Variants in EEFSEC observed in about 807,000 individuals in gnomAD.
EEFSEC encodes selenocysteine-specific elongation factor.
A neutral mutation model predicts 42.1 loss-of-function variants in EEFSEC; 43 were observed. The ratio of observed to expected loss-of-function variants is 1.02; its 90% CI spans 0.80 to 1.32. The LOEUF (loss-of-function observed/expected upper bound fraction) is 1.32, where lower values mean the gene tolerates loss of function less well. Among genes scored for constraint, EEFSEC ranks in the 40% most tolerant of loss-of-function variants. The probability of loss-of-function intolerance (pLI) is 0.00; values close to 1 mark genes in which losing one functional copy is unlikely to be tolerated. For missense variants in EEFSEC, 745 were observed against 803.6 expected, an observed-to-expected ratio of 0.93 and a Z score of 0.88; for synonymous variants, 354 against 339.1, an observed-to-expected ratio of 1.04 and a Z score of -0.48.
At chr3:128,200,580 G>A (rs535796140) in intron 1 of EEFSEC, among the ~76,000 whole-genome samples, 11 of 152,292 alleles carry the variant, frequency 7.2e-5, no homozygotes, top group South Asian at 2.1e-4. Flanking sequence ...GAGCCACCGC[G>A]CCCAGCCTTC....
chr3:128,375,590 T>C (rs1324946333), intron 6 of EEFSEC, among the ~76,000 whole-genome samples: 1 of 152,212 alleles, frequency 6.6e-6, no homozygotes, highest in African/African-American at 2.4e-5. Flanking sequence ...TCCTTCATTC[T>C]GCCACTTGCG....
In EEFSEC at chr3:128,405,486, C is replaced by T. The variant is rs1428020628; in HGVS notation, c.1601-2583C>T. Among the ~76,000 whole-genome samples the T allele has an allele frequency of 4.6e-5, 7 of 152,228 alleles. No homozygotes were observed. The South Asian group carries it at 6.2e-4, about 14-fold the overall frequency. ...TCAAATCCTGGCTCTTCTGAACTCA[C>T]TGTGGGGCTTCCAGTAAGTCACTGG... On this transcript the variant is annotated intron_variant, in intron 6 of 6. Coordinates refer to ENST00000254730, the MANE Select transcript of EEFSEC (RefSeq NM_021937.5).
At chr3:128,225,694 C>T (rs2107855591) in intron 1 of EEFSEC, among the ~76,000 whole-genome samples, 1 of 152,328 alleles carries the variant, frequency 6.6e-6, no homozygotes, top group South Asian at 2.1e-4. Context: ...CTGCACTGTC[C>T]CCTGGCCCCA....
At chr3:128,313,024 C>T (rs1057408733) in intron 4 of EEFSEC, among the ~76,000 whole-genome samples, 2 of 152,154 alleles carry the variant, frequency 1.3e-5, no homozygotes, top group African/African-American at 4.8e-5. Flanking sequence ...GTCAAGTAGC[C>T]TCCGTAGGTC....
intron 1 of EEFSEC, among the ~76,000 whole-genome samples, chr3:128,216,427 T>C (rs1005060747): frequency 3.9e-5 from 6 of 152,192 alleles, no homozygotes; most frequent in Non-Finnish European, 8.8e-5. Context: ...AAGGATTTGT[T>C]GGGAGCAGCA....
chr3:128,238,321 T>G (rs570615049), intron 1 of EEFSEC, among the ~76,000 whole-genome samples: 4 of 152,218 alleles, frequency 2.6e-5, no homozygotes, highest in African/African-American at 7.2e-5. Flanking sequence ...CATGTGCTAA[T>G]TCATGGAGAT....
intron 4 of EEFSEC, among the ~76,000 whole-genome samples, chr3:128,283,878 T>C (rs958635861): frequency 6.6e-6 from 1 of 152,160 alleles, no homozygotes; most frequent in Non-Finnish European, 1.5e-5. Context: ...CCCGCCCAAA[T>C]GGGAGAGGGA....
At chr3:128,319,203 C>T (rs772466611) in intron 4 of EEFSEC, among the ~76,000 whole-genome samples, 2 of 152,214 alleles carry the variant, frequency 1.3e-5, no homozygotes, top group Non-Finnish European at 2.9e-5. Context: ...TTTTCTGTGG[C>T]TCCTGACCCT....
intron 4 of EEFSEC, among the ~76,000 whole-genome samples, chr3:128,307,527 G>A (rs1385843217): frequency 4.6e-5 from 7 of 152,164 alleles, no homozygotes; most frequent in Admixed American, 2.0e-4. Flanking sequence ...AATATCTAGA[G>A]GCATACCCTA....
chr3:128,283,323 A>G (rs2066549314), intron 4 of EEFSEC, among the ~76,000 whole-genome samples: 1 of 152,222 alleles, frequency 6.6e-6, no homozygotes, highest in African/African-American at 2.4e-5. Context: ...TTTGATTATT[A>G]TTAGTGATAG....
chr3:128,421,723 A>T, the EEFSEC span, among the ~76,000 whole-genome samples: 71 of 152,268 alleles, frequency 4.7e-4, 1 homozygote, highest in Non-Finnish European at 4.4e-5. Flanking sequence ...GCCTGGGCCT[A>T]TCTCACCATC....
chr3:128,247,933 C>T lies in EEFSEC; in HGVS notation c.524+890C>T, dbSNP rs558206167. The stretch of plus-strand genomic sequence containing the variant: ...GATATCTAGCGGGAGAATCCACAGC[C>T]CTGGTGAAGCAATTCGCCTGGATCA... On this transcript the variant is annotated intron_variant, in intron 2 of 6. Coordinates refer to ENST00000254730, the MANE Select transcript of EEFSEC (RefSeq NM_021937.5). Among the ~76,000 whole-genome samples, 9 of 152,184 alleles carry T rather than the reference C, an allele frequency of 5.9e-5. 1 individual carries two copies. In the South Asian group the frequency reaches 6.2e-4, roughly 11 times the overall value.
chr3:128,154,022 C>T, intron 1 of EEFSEC, 199 bp downstream of exon 1: 2 of 673,198 alleles, frequency 3.0e-6, no homozygotes, highest in South Asian at 2.6e-5. Flanking sequence ...TTCAGCTTTT[C>T]CCATCCAGCA....
At chr3:128,315,286 G>C (rs535363314) in intron 4 of EEFSEC, among the ~76,000 whole-genome samples, 1 of 152,270 alleles carries the variant, frequency 6.6e-6, no homozygotes, top group African/African-American at 2.4e-5. Context: ...TGTGATATGT[G>C]CTCCATGCAT....
intron 1 of EEFSEC, among the ~76,000 whole-genome samples, chr3:128,198,200 A>T (rs939164750): frequency 1.3e-5 from 2 of 152,196 alleles, no homozygotes; most frequent in Non-Finnish European, 2.9e-5. Context: ...TCCAGCAATC[A>T]TTTGAACTTT....
chr3:128,214,784 G>A (rs989637201), intron 1 of EEFSEC, among the ~76,000 whole-genome samples: 2 of 152,288 alleles, frequency 1.3e-5, no homozygotes, highest in South Asian at 4.1e-4. Flanking sequence ...GAGGGAAACT[G>A]GAAATTATCT....
intron 4 of EEFSEC, among the ~76,000 whole-genome samples, chr3:128,327,632 A>C (rs2067079326): frequency 6.6e-6 from 1 of 152,182 alleles, no homozygotes; most frequent in Non-Finnish European, 1.5e-5. Flanking sequence ...ATGTGCAGGA[A>C]GGCATTCCAC....
intron 1 of EEFSEC, among the ~76,000 whole-genome samples, chr3:128,169,450 A>G (rs1022925258): frequency 3.3e-5 from 5 of 152,206 alleles, no homozygotes; most frequent in Non-Finnish European, 7.3e-5. Flanking sequence ...GGCACATCCT[A>G]TCATTCTGAA....
chr3:128,401,863 G>A (rs2068051667), intron 6 of EEFSEC, among the ~76,000 whole-genome samples: 1 of 152,184 alleles, frequency 6.6e-6, no homozygotes, highest in Non-Finnish European at 1.5e-5. Context: ...ACTTCCAGCA[G>A]CCATGGAGGA....
Sources: allele counts gnomAD v4.1 joint callset (sites outside exome capture counted in the v4.1 genomes callset), GRCh38; gene constraint gnomAD v4.1.1; transcripts MANE v1.5; gene names NCBI Gene and HGNC (gene_info 2026-07-23, HGNC 2026-07-21).